Variants in INTS6 observed in about 807,000 individuals in gnomAD.
INTS6 encodes DEAD box protein.
INTS6 carries 16 observed loss-of-function variants against 104.9 expected under a neutral mutation model. The ratio of observed to expected loss-of-function variants is 0.15; its 90% CI spans 0.10 to 0.23. The LOEUF (loss-of-function observed/expected upper bound fraction) is 0.23, where lower values mean the gene tolerates loss of function less well. Ranked by LOEUF, INTS6 falls within the 10% of genes least tolerant of loss-of-function variation. The probability of loss-of-function intolerance (pLI) is 1.00; values close to 1 mark genes in which losing one functional copy is unlikely to be tolerated. For missense variants in INTS6, 584 were observed against 1,062.8 expected (o/e 0.55, Z 6.26); for synonymous variants, 324 against 358.7 (o/e 0.90, Z 1.09).
intron 6 of INTS6, among the ~76,000 whole-genome samples, chr13:51,387,801 C>A (rs933195949): frequency 6.6e-6 from 1 of 152,144 alleles, no homozygotes; most frequent in South Asian, 2.1e-4. Flanking sequence ...GCCTTCCCAA[C>A]TGGAACACAC....
intron 7 of INTS6, chr13:51,385,029 A>G (rs1326598736): frequency 5.7e-6 from 1 of 174,244 alleles, no homozygotes; most frequent in African/African-American, 2.4e-5. Flanking sequence ...GGGTCTAGAC[A>G]CTTAATATCA....
intron 3 of INTS6, chr13:51,442,245 T>C (rs1220157526): frequency 6.6e-6 from 1 of 151,424 alleles, no homozygotes; most frequent in East Asian, 1.9e-4. Context: ...GTTCAAGCGA[T>C]TTTCCTGCCT....
intron 4 of INTS6, among the ~76,000 whole-genome samples, chr13:51,414,511 C>T (rs546285627): frequency 6.6e-6 from 1 of 152,120 alleles, no homozygotes; most frequent in Non-Finnish European, 1.5e-5. Context: ...CAAACTAATG[C>T]TAAATCTTTC....
At chr13:51,347,130 GA>G in the INTS6 span, 1 of 1,613,536 alleles carries the variant, frequency 6.2e-7, no homozygotes, top group Admixed American at 1.7e-5. Flanking sequence ...GGCACTTGGC[GA>G]AAGAGATTCT....
At chr13:51,450,527 G>C (rs1247544453) in intron 3 of INTS6, 3 of 985,248 alleles carry the variant, frequency 3.0e-6, no homozygotes, top group Non-Finnish European at 3.6e-6. Flanking sequence ...AAACTTAAAT[G>C]TTCTCAGCCA....
At chr13:51,432,105 C>T (rs9634842) in intron 3 of INTS6, among the ~76,000 whole-genome samples, 17,889 of 152,124 alleles carry the variant, frequency 0.12, 1,317 homozygotes, top group South Asian at 0.21. Context: ...TTCCTTAAGG[C>T]CCAGTTTAAA....
At chr13:51,447,368 G>A (rs1375169238) in intron 3 of INTS6, 3 of 152,038 alleles carry the variant, frequency 2.0e-5, no homozygotes, top group Admixed American at 6.6e-5. Flanking sequence ...AACTATAACT[G>A]TATTATCTCC....
intron 4 of INTS6, among the ~76,000 whole-genome samples, chr13:51,429,971 C>T (rs143915345): frequency 0.02 from 2,991 of 151,438 alleles, 53 homozygotes; most frequent in African/African-American, 0.049. Context: ...ATTACTAGAA[C>T]GCTGTTTCCC....
the INTS6 span, chr13:51,339,840 G>A: frequency 6.6e-6 from 1 of 152,188 alleles, no homozygotes; most frequent in South Asian, 2.1e-4. Flanking sequence ...GTTCTTGTGG[G>A]AGATGGGAGG....
In INTS6 at chr13:51,387,468, C is replaced by A; in HGVS notation, c.812G>T (p.Arg271Ile). 1 of 1,613,862 alleles carries A rather than the reference C, an allele frequency of 6.2e-7. No individual in the cohort carries two copies. Among genetic ancestry groups the A allele is most frequent in the Non-Finnish European group, 8.5e-7 (1 of 1,179,882 alleles). The change falls in exon 7 of 18, where the codon AGA (arginine) becomes ATA (isoleucine). Residue 271 changes from arginine to isoleucine, a missense_variant. Arg to Ile is a moderately conservative substitution (Grantham distance 97). Coordinates refer to ENST00000311234, the MANE Select transcript of INTS6 (RefSeq NM_012141.3). ...AGGAACCCCAGTTTTAGGATTTGGT[C>A]TGACATATATGAGTTTGTGACAGCT... ...WHSCHKLIYV[R>I]PNPKTGVPIG...
chr13:51,344,564 G>A, the INTS6 span: 2 of 1,186,330 alleles, frequency 1.7e-6, no homozygotes, highest in Admixed American at 2.0e-5. Context: ...CTTGTCAGAG[G>A]CCATGGTGCT....
rs71085082 is a variant in INTS6, at chr13:51,404,063, TACACACACACACACACACAC to T, written c.430-8600_430-8581del. Among the ~76,000 whole-genome samples the T allele has an allele frequency of 5.5e-5, 6 of 109,618 alleles. No homozygotes were observed. The Admixed American group carries it at 5.7e-4, about 10-fold the overall frequency. The allele number at this position is 109,618 out of a possible 152,430, so 71.9% of individuals were successfully genotyped here. A position where few individuals can be genotyped will look rare whatever the true frequency, so the allele number is the denominator to read the frequency against. The stretch of plus-strand genomic sequence containing the variant: ...CATAGTGAGATCCTATCTCTACAAA[TACACACACACACACACACAC>T]ACACACACACACACACACACAGAGA... On this transcript the variant is annotated intron_variant, in intron 4 of 17. Coordinates refer to ENST00000311234, the MANE Select transcript of INTS6 (RefSeq NM_012141.3).
chr13:51,352,093 C>A (rs1955409412), downstream of INTS6, among the ~76,000 whole-genome samples: 1 of 152,042 alleles, frequency 6.6e-6, no homozygotes, highest in Non-Finnish European at 1.5e-5. Context: ...CTATTCTGGG[C>A]CCCTTGCATT....
Position 51,363,505 on chromosome 13 carries a change from TAA to T in INTS6, c.*2245_*2246del, listed in dbSNP as rs926667730. 1 of 150,382 alleles carries T rather than the reference TAA, an allele frequency of 6.6e-6. No individual in the cohort carries two copies. The highest frequency in any genetic ancestry group is 1.5e-5 in the Non-Finnish European group (1 of 67,430). 9.3% of individuals were successfully genotyped at this position (150,382 alleles called of 1,614,324 possible). On this transcript the variant is annotated 3_prime_UTR_variant, in exon 18 of 18. Transcript: ENST00000311234. ...AGCAAATGAGAAACATGGGAGACATTAAAAAAAAAGATTTGAAAACCTCAAGA... is the reference window on the plus strand; with the variant it reads ...AGCAAATGAGAAACATGGGAGACATTAAAAAAAGATTTGAAAACCTCAAGA...
At chr13:51,383,506 G>A in intron 8 of INTS6, 45 bp from the exon 9 acceptor site, 1 of 1,606,028 alleles carries the variant, frequency 6.2e-7, no homozygotes, top group Non-Finnish European at 8.5e-7. Context: ...TTTAAAGAAT[G>A]TTACATAAAC....
chr13:51,427,574 C>T (rs7992891), intron 4 of INTS6, among the ~76,000 whole-genome samples: 6,988 of 152,148 alleles, frequency 0.046, 192 homozygotes, highest in East Asian at 0.1. Context: ...ACGAGAGTCT[C>T]GTTGGTACAT....
chr13:51,430,546 ATAAAC>A (rs1230569312), intron 3 of INTS6, among the ~76,000 whole-genome samples, 163 bp from the exon 4 acceptor site: 2 of 152,230 alleles, frequency 1.3e-5, no homozygotes, highest in Non-Finnish European at 2.9e-5. Flanking sequence ...AGAACGACAC[ATAAAC>A]TAAACAGTGA....
At chr13:51,380,557 TGCTAGACATTCAAC>T (rs1956026974) in intron 10 of INTS6, among the ~76,000 whole-genome samples, 1 of 152,198 alleles carries the variant, frequency 6.6e-6, no homozygotes, top group African/African-American at 2.4e-5. Context: ...AGGCACTGTG[TGCTAGACATTCAAC>T]ACAACTTATC....
chr13:51,432,785 T>C (rs533711103), intron 3 of INTS6, among the ~76,000 whole-genome samples: 2 of 152,226 alleles, frequency 1.3e-5, no homozygotes, highest in Non-Finnish European at 2.9e-5. Flanking sequence ...TATCTCCCTC[T>C]TGTGTCTTTC....
Sources: gnomAD v4.1 joint callset for allele counts (sites outside exome capture counted in the v4.1 genomes callset) on GRCh38, gnomAD v4.1.1 for gene constraint, MANE v1.5 for transcripts, NCBI Gene and HGNC (gene_info 2026-07-23, HGNC 2026-07-21) for gene names.